Variants in CYP19A1 observed in about 807,000 individuals in gnomAD.
The protein encoded by CYP19A1 is cytochrome P450 family 19 subfamily A member 1, also known as aromatase.
A neutral mutation model predicts 44.4 loss-of-function variants in CYP19A1; 32 were observed. That is an observed-to-expected ratio of 0.72 (90% CI 0.54 to 0.97). CYP19A1 has a LOEUF of 0.97. Ranked by LOEUF, CYP19A1 falls within the 50% of genes least tolerant of loss-of-function variation. The probability of loss-of-function intolerance (pLI) is 0.00; values close to 1 mark genes in which losing one functional copy is unlikely to be tolerated. For missense variants in CYP19A1, 598 were observed against 637.8 expected (o/e 0.94, Z 0.67); for synonymous variants, 212 against 215.6 (o/e 0.98, Z 0.14).
chr15:51,268,527 CCCCT>C (rs1280300343), intron 1 of CYP19A1, among the ~76,000 whole-genome samples: 6 of 144,738 alleles, frequency 4.1e-5, no homozygotes, highest in East Asian at 4.3e-4. Context: ...CTTCCCCCCC[CCCCT>C]TTTTTTTTGG....
intron 1 of CYP19A1, among the ~76,000 whole-genome samples, chr15:51,319,781 A>G (rs978247565): frequency 2.6e-5 from 4 of 152,248 alleles, no homozygotes; most frequent in African/African-American, 9.6e-5. Context: ...AGTGGACAGC[A>G]AAAGACAGTG....
intron 1 of CYP19A1, among the ~76,000 whole-genome samples, chr15:51,257,392 G>A (rs2034554061): frequency 6.6e-6 from 1 of 152,222 alleles, no homozygotes; most frequent in Non-Finnish European, 1.5e-5. Flanking sequence ...CCTCCAGGCT[G>A]GGGCAGGACG....
chr15:51,215,734 A>G lies in CYP19A1; in HGVS notation c.827T>C (p.Met276Thr). The G allele has an allele frequency of 6.2e-7, 1 of 1,614,090 alleles. No individual in the cohort carries two copies. The highest frequency in any genetic ancestry group is 8.5e-7 in the Non-Finnish European group (1 of 1,179,978). The change falls in exon 7 of 10, where the codon ATG becomes ACG. Residue 276 changes from methionine (M) to threonine (T), a missense_variant. Physicochemically the swap from Met to Thr is moderately conservative, Grantham distance 81 (BLOSUM62 -1). Transcript: ENST00000396402. ...TAAAATCAACTCAGTGGCAAAGTCC[A>G]TACATTCTTCCAGTTTCTCTTCTGT... ...ISTEEKLEEC[M>T]DFATELILAE...
At chr15:51,259,760 C>A (rs183625953) in intron 1 of CYP19A1, among the ~76,000 whole-genome samples, 7 of 152,218 alleles carry the variant, frequency 4.6e-5, no homozygotes, top group African/African-American at 1.4e-4. Flanking sequence ...TGGGGAGAAG[C>A]CACAGAAAGC....
chr15:51,261,785 T>A (rs1448472532), intron 1 of CYP19A1, among the ~76,000 whole-genome samples: 1 of 152,024 alleles, frequency 6.6e-6, no homozygotes, highest in Non-Finnish European at 1.5e-5. Flanking sequence ...GTGGGGCAGG[T>A]CCTCCCAGGG....
rs145442637 is a variant in CYP19A1, at chr15:51,302,303, G to A, written c.-39+36192C>T. On this transcript the variant is annotated intron_variant, in intron 1 of 9. Coordinates refer to ENST00000396402, the MANE Select transcript of CYP19A1 (RefSeq NM_000103.4). ...CCATCTGCCATTCTCCTGTGAAGGA[G>A]CATTATTCCCCTGAGGGAATTCGCT... 9.7e-3 allele frequency among the ~76,000 whole-genome samples: 1,473 copies of A among 152,322 alleles called. 16 individuals carry two copies. The highest frequency in any genetic ancestry group is 0.02 in the Middle Eastern group (6 of 294).
chr15:51,275,827 G>A (rs572234359), intron 1 of CYP19A1, among the ~76,000 whole-genome samples: 1 of 152,292 alleles, frequency 6.6e-6, no homozygotes, highest in East Asian at 1.9e-4. Flanking sequence ...CGTTCAGGTA[G>A]TAAAGTGTCC....
At chr15:51,250,025 G>A (rs1217113872) in intron 1 of CYP19A1, among the ~76,000 whole-genome samples, 2 of 152,220 alleles carry the variant, frequency 1.3e-5, no homozygotes, top group Non-Finnish European at 2.9e-5. Flanking sequence ...TACACATGGT[G>A]TGGACTACCT....
chr15:51,297,018 G>C (rs1270658914), intron 1 of CYP19A1, among the ~76,000 whole-genome samples: 1 of 152,176 alleles, frequency 6.6e-6, no homozygotes, highest in African/African-American at 2.4e-5. Flanking sequence ...AAATGAGCAG[G>C]AGGCCAAGAC....
intron 1 of CYP19A1, among the ~76,000 whole-genome samples, chr15:51,269,766 G>A (rs2035057272): frequency 6.6e-6 from 1 of 152,158 alleles, no homozygotes; most frequent in South Asian, 2.1e-4. Context: ...GACTGAAACT[G>A]TCTCAGAGCT....
At chr15:51,211,338 T>C (rs1455745972) in intron 9 of CYP19A1, among the ~76,000 whole-genome samples, 3 of 152,206 alleles carry the variant, frequency 2.0e-5, no homozygotes, top group Non-Finnish European at 4.4e-5. Context: ...CAAGTGTTAG[T>C]ATAATCAGGT....
chr15:51,246,253 C>T (rs996153556), intron 1 of CYP19A1, among the ~76,000 whole-genome samples: 5 of 152,178 alleles, frequency 3.3e-5, no homozygotes, highest in Non-Finnish European at 7.4e-5. Context: ...CAGTAATACC[C>T]TCCCCTCACC....
intron 3 of CYP19A1, among the ~76,000 whole-genome samples, chr15:51,234,627 C>T (rs187317346): frequency 3.8e-4 from 58 of 152,202 alleles, no homozygotes; most frequent in African/African-American, 1.4e-3. Flanking sequence ...AGTCTTAAAC[C>T]TCCACCACCT....
chr15:51,328,398 TC>T (rs930731266), intron 1 of CYP19A1, among the ~76,000 whole-genome samples: 2 of 152,004 alleles, frequency 1.3e-5, no homozygotes, highest in Admixed American at 6.6e-5. Flanking sequence ...GCATCTGACA[TC>T]CCCCCCTACC....
intron 1 of CYP19A1, among the ~76,000 whole-genome samples, chr15:51,313,858 G>A (rs28757094): frequency 0.014 from 2,121 of 152,086 alleles, 50 homozygotes; most frequent in African/African-American, 0.048. Flanking sequence ...GCTGGGGTGC[G>A]TGGTCTCAGT....
intron 1 of CYP19A1, among the ~76,000 whole-genome samples, chr15:51,267,380 C>G (rs1426021629): frequency 6.6e-6 from 1 of 152,196 alleles, no homozygotes; most frequent in Admixed American, 6.5e-5. Flanking sequence ...CCCTTTCTCC[C>G]GTGGTCTTTC....
Position 51,242,932 on chromosome 15 carries a change from G to A in CYP19A1, c.-20C>T. 6.3e-7 allele frequency: 1 copy of A among 1,587,708 alleles called. No individual in the cohort carries two copies. Among genetic ancestry groups the A allele is most frequent in the Non-Finnish European group, 8.7e-7 (1 of 1,155,856 alleles). On this transcript the variant is annotated 5_prime_UTR_variant, in exon 2 of 10. Coordinates refer to ENST00000396402, the MANE Select transcript of CYP19A1 (RefSeq NM_000103.4). The stretch of plus-strand genomic sequence containing the variant: ...AACCATCTTGTGTTCCTTGACCTCA[G>A]AGGGGGCAATTTAGAGTCCTGTGGA...
At chr15:51,258,451 G>T (rs2034593421) in intron 1 of CYP19A1, among the ~76,000 whole-genome samples, 1 of 152,216 alleles carries the variant, frequency 6.6e-6, no homozygotes, top group African/African-American at 2.4e-5. Context: ...CCAAGTGCTT[G>T]TTTAATTTTA....
chr15:51,305,180 G>A (rs960459745), intron 1 of CYP19A1, among the ~76,000 whole-genome samples: 7 of 151,964 alleles, frequency 4.6e-5, no homozygotes, highest in African/African-American at 1.7e-4. Flanking sequence ...GATCACAGGC[G>A]TGATCCATCG....
Sources: gnomAD v4.1 joint callset for allele counts (sites outside exome capture counted in the v4.1 genomes callset) on GRCh38, gnomAD v4.1.1 for gene constraint, MANE v1.5 for transcripts, NCBI Gene and HGNC (gene_info 2026-07-23, HGNC 2026-07-21) for gene names.